PCDHA7: variants seen among roughly 807,000 people sequenced by gnomAD.
PCDHA7 encodes the protein protocadherin alpha 7.
A neutral mutation model predicts 57.2 loss-of-function variants in PCDHA7; 37 were observed. The ratio of observed to expected loss-of-function variants is 0.65; its 90% CI spans 0.50 to 0.85. PCDHA7 has a LOEUF of 0.85. Among genes scored for constraint, PCDHA7 ranks in the 40% least tolerant of loss-of-function variants. The probability of loss-of-function intolerance (pLI) is 0.00; values close to 1 mark genes in which losing one functional copy is unlikely to be tolerated. For synonymous variants in PCDHA7, 553 were observed against 558.8 expected (o/e 0.99, Z 0.15); for missense variants, 1,188 against 1,241.8 (o/e 0.96, Z 0.65).
chr5:140,928,861 A>C (rs781787998), intron 1 of PCDHA7: 3 of 1,614,164 alleles, frequency 1.9e-6, no homozygotes, highest in Non-Finnish European at 2.5e-6. Context: ...TGTGCTGTTG[A>C]GCAACTCTGT....
chr5:140,855,239 A>T (rs1315147782), intron 1 of PCDHA7, among the ~76,000 whole-genome samples: 1 of 149,864 alleles, frequency 6.7e-6, no homozygotes, highest in Non-Finnish European at 1.5e-5. Flanking sequence ...TTAAGGTACT[A>T]TTGCAAGCAC....
intron 1 of PCDHA7, among the ~76,000 whole-genome samples, chr5:140,921,929 A>C (rs2080500807): frequency 6.6e-6 from 1 of 152,126 alleles, no homozygotes; most frequent in African/African-American, 2.4e-5. Flanking sequence ...CTTATAGTCA[A>C]TATAATTTTA....
At chr5:140,862,498 TG>T in intron 1 of PCDHA7, 1 of 395,232 alleles carries the variant, frequency 2.5e-6, no homozygotes, top group Non-Finnish European at 5.1e-6. Flanking sequence ...TCGCTCGGAA[TG>T]GGGACTCGCT....
chr5:140,849,319 G>A, intron 1 of PCDHA7: 1 of 1,331,850 alleles, frequency 7.5e-7, no homozygotes, highest in Non-Finnish European at 1.0e-6. Flanking sequence ...GGCTTGAATG[G>A]GGATATTATT....
In PCDHA7 at chr5:140,846,583, C is replaced by T. The variant is rs2150392469; in HGVS notation, c.2355+9845C>T. On this transcript the variant is annotated intron_variant, in intron 1 of 3. Transcript: ENST00000525929. The stretch of plus-strand genomic sequence containing the variant: ...TAGAGTCGGGGTTTCACCATGTTAG[C>T]CAGGATGGTCTCGATCTCCTGACCT... Among the ~76,000 whole-genome samples the T allele has an allele frequency of 2.6e-4, 39 of 148,680 alleles. 1 individual carries two copies. Among genetic ancestry groups the T allele is most frequent in the African/African-American group, 9.4e-4 (38 of 40,584 alleles).
At chr5:140,842,109 A>C (rs2150329529) in intron 1 of PCDHA7, 16 of 1,613,740 alleles carry the variant, frequency 9.9e-6, no homozygotes, top group Non-Finnish European at 1.4e-5. Context: ...ACAGTTATCA[A>C]ACTGAATGCT....
At chr5:140,884,469 C>T (rs371718634) in intron 1 of PCDHA7, 1 of 1,613,766 alleles carries the variant, frequency 6.2e-7, no homozygotes, top group Admixed American at 1.7e-5. Flanking sequence ...GCGTGCGCGC[C>T]GGGCAAGCCC....
intron 1 of PCDHA7, chr5:140,877,053 G>A: frequency 1.9e-6 from 3 of 1,612,784 alleles, no homozygotes; most frequent in African/African-American, 1.3e-5. Context: ...ACCACGAGGA[G>A]CTGGAGCTGC....
At chr5:140,872,545 TGAACCCAGGGGTTCAG>T (rs1372003067) in intron 1 of PCDHA7, among the ~76,000 whole-genome samples, 1 of 152,158 alleles carries the variant, frequency 6.6e-6, no homozygotes, top group Non-Finnish European at 1.5e-5. Flanking sequence ...GAGGATCCCC[TGAACCCAGGGGTTCAG>T]GGCTGCAGTG....
chr5:140,872,338 A>G (rs970096150), intron 1 of PCDHA7, among the ~76,000 whole-genome samples: 2 of 152,156 alleles, frequency 1.3e-5, no homozygotes, highest in Non-Finnish European at 2.9e-5. Flanking sequence ...AAAATTCTAC[A>G]TGTTCTTGCC....
At chr5:140,924,507 C>T (rs2081871616) in intron 1 of PCDHA7, among the ~76,000 whole-genome samples, 1 of 152,168 alleles carries the variant, frequency 6.6e-6, no homozygotes, top group African/African-American at 2.4e-5. Context: ...CAATCCCACT[C>T]TTAGTGTTAA....
At position 140,928,087 on chromosome 5, in the gene PCDHA7, A is replaced by T. The variant is rs1554205462; in HGVS notation, c.2356-50862A>T. On this transcript the variant is annotated intron_variant, in intron 1 of 3. Coordinates refer to ENST00000525929, the MANE Select transcript of PCDHA7 (RefSeq NM_018910.3). The stretch of plus-strand genomic sequence containing the variant: ...CTTTGACAACTACTACAGCCTGCTG[A>T]TTGATGGGCCCCTGGACCGGGAGCA... 3.1e-6 allele frequency: 5 copies of T among 1,614,022 alleles called. No individual in the cohort carries two copies. In the African/African-American group the frequency reaches 5.3e-5, roughly 17 times the overall value.
At chr5:140,961,458 G>A (rs1371131275) in intron 1 of PCDHA7, among the ~76,000 whole-genome samples, 2 of 152,150 alleles carry the variant, frequency 1.3e-5, no homozygotes, top group Non-Finnish European at 2.9e-5. Context: ...TCTTGCAGCT[G>A]CCTTTCTTTT....
chr5:140,935,016 T>C (rs997789296), intron 1 of PCDHA7, among the ~76,000 whole-genome samples: 6 of 152,322 alleles, frequency 3.9e-5, no homozygotes, highest in Admixed American at 6.5e-5. Flanking sequence ...TGAGTCTTAA[T>C]AGTCTTTTGA....
Position 140,874,495 on chromosome 5 carries a change from G to A in PCDHA7, c.2355+37757G>A, listed in dbSNP as rs532074473. 2.0e-5 allele frequency among the ~76,000 whole-genome samples: 3 copies of A among 152,336 alleles called. No homozygotes were observed. The South Asian group carries it at 6.2e-4, about 32-fold the overall frequency. ...AGAAAAAGCAAAAGGTTGATATCAAGTTCACATTCTCTTGACTTTAGTCAA... is the reference window on the plus strand; with the variant it reads ...AGAAAAAGCAAAAGGTTGATATCAAATTCACATTCTCTTGACTTTAGTCAA... On this transcript the variant is annotated intron_variant, in intron 1 of 3. Coordinates refer to ENST00000525929, the MANE Select transcript of PCDHA7 (RefSeq NM_018910.3).
At chr5:140,875,884 C>T (rs531777396) in intron 1 of PCDHA7, 2 of 1,614,168 alleles carry the variant, frequency 1.2e-6, no homozygotes, top group South Asian at 2.2e-5. Flanking sequence ...AGAAAGGGAA[C>T]AAAAGGTACC....
intron 1 of PCDHA7, chr5:140,883,378 C>G (rs782530143): frequency 6.2e-7 from 1 of 1,614,146 alleles, no homozygotes; most frequent in Non-Finnish European, 8.5e-7. Context: ...CCATTATTGC[C>G]CTAATCAGTG....
At chr5:140,840,041 T>C (rs1220920510) in intron 1 of PCDHA7, among the ~76,000 whole-genome samples, 3 of 152,082 alleles carry the variant, frequency 2.0e-5, no homozygotes, top group East Asian at 3.9e-4. Flanking sequence ...ATCTCCCAGA[T>C]GGAAGTCTAA....
At chr5:141,009,538 C>T (rs1159631714) in intron 3 of PCDHA7, 89 bp from the exon 4 acceptor site, 11 of 1,522,362 alleles carry the variant, frequency 7.2e-6, no homozygotes, top group African/African-American at 1.4e-5. Context: ...GTTCAGCCTG[C>T]CTATGCAGTA....
Sources: allele counts gnomAD v4.1 joint callset (sites outside exome capture counted in the v4.1 genomes callset), GRCh38; gene constraint gnomAD v4.1.1; transcripts MANE v1.5; gene names NCBI Gene and HGNC (gene_info 2026-07-23, HGNC 2026-07-21).